Variants in GDPD4 observed in about 807,000 individuals in gnomAD.
The protein encoded by GDPD4 is glycerophosphodiester phosphodiesterase domain containing 4, also known as glycerophosphodiester phosphodiesterase 6.
GDPD4 carries 60 observed loss-of-function variants against 67.8 expected under a neutral mutation model. The ratio of observed to expected loss-of-function variants is 0.88; its 90% CI spans 0.72 to 1.10. The LOEUF is 1.10. Among genes scored for constraint, GDPD4 ranks in the 50% least tolerant of loss-of-function variants. The probability of loss-of-function intolerance (pLI) is 0.00; values close to 1 mark genes in which losing one functional copy is unlikely to be tolerated. For missense variants in GDPD4, 623 were observed against 613.9 expected (o/e 1.01, Z -0.16); for synonymous variants, 212 against 210.9 (o/e 1.00, Z -0.04).
At chr11:77,222,621 C>CCTTTGT (rs1369246785) in intron 16 of GDPD4, among the ~76,000 whole-genome samples, 1 of 152,140 alleles carries the variant, frequency 6.6e-6, no homozygotes, top group Non-Finnish European at 1.5e-5. Context: ...GATGGGCTTC[C>CCTTTGT]CTTTGTGGGT....
intron 10 of GDPD4, 145 bp from the exon 11 acceptor site, chr11:77,258,687 A>G: frequency 1.5e-6 from 1 of 672,622 alleles, no homozygotes; most frequent in East Asian, 2.6e-5. Context: ...AGGGCTACAT[A>G]TCAGTCATTT....
intron 1 of GDPD4, among the ~76,000 whole-genome samples, chr11:77,299,128 C>T (rs1236769573): frequency 6.6e-6 from 1 of 152,130 alleles, no homozygotes; most frequent in South Asian, 2.1e-4. Flanking sequence ...CATCCTGGAC[C>T]CTCTTTATGA....
chr11:77,263,917 C>T (rs955108209), intron 10 of GDPD4, among the ~76,000 whole-genome samples: 1 of 152,142 alleles, frequency 6.6e-6, no homozygotes, highest in Non-Finnish European at 1.5e-5. Context: ...GCAATAGGCA[C>T]AAACAAGCTT....
chr11:77,218,674 A>G (rs1958171706), intron 16 of GDPD4, among the ~76,000 whole-genome samples: 1 of 152,160 alleles, frequency 6.6e-6, no homozygotes, highest in Non-Finnish European at 1.5e-5. Flanking sequence ...TTTGCTCAGA[A>G]TGACGGTTTC....
intron 4 of GDPD4, among the ~76,000 whole-genome samples, chr11:77,277,653 G>A (rs575967277): frequency 6.6e-6 from 1 of 151,620 alleles, no homozygotes; most frequent in South Asian, 2.1e-4. Flanking sequence ...TTCTTTATTA[G>A]TCTTGCTAGC....
At chr11:77,291,018 G>T (rs1254888318) in intron 1 of GDPD4, among the ~76,000 whole-genome samples, 1 of 152,140 alleles carries the variant, frequency 6.6e-6, no homozygotes, top group Non-Finnish European at 1.5e-5. Flanking sequence ...TCCACCACTT[G>T]GTAGTTATCC....
At position 77,285,086 on chromosome 11, in the gene GDPD4, A is replaced by G; in HGVS notation, c.52T>C (p.Trp18Arg). ...GAAACTACAAAAAGTGAAACTCACC[A>G]GTCAAAGTTAAAGTATTCACTGGAT... is the stretch of plus-strand genomic sequence containing the variant. ...ETSSEYFNFD[W>R]VTFLGTGYWF... is the part of the protein sequence containing the mutation. The change falls in exon 3 of 17, where the codon TGG becomes CGG. Residue 18 changes from tryptophan (W) to arginine (R), a missense_variant and splice_region_variant. By Grantham distance (101) the Trp-to-Arg change is moderately radical. Coordinates refer to ENST00000315938, the MANE Select transcript of GDPD4 (RefSeq NM_182833.3). 1 of 1,608,412 alleles carries G rather than the reference A, an allele frequency of 6.2e-7. No individual in the cohort carries two copies. The highest frequency in any genetic ancestry group is 1.3e-5 in the African/African-American group (1 of 74,898).
intron 10 of GDPD4, 38 bp from the exon 11 acceptor site, chr11:77,258,580 G>A (rs1358240713): frequency 1.9e-6 from 3 of 1,604,492 alleles, no homozygotes; most frequent in Non-Finnish European, 2.6e-6. Flanking sequence ...GGGGTAGATA[G>A]GCTGAATTTA....
intron 3 of GDPD4, among the ~76,000 whole-genome samples, chr11:77,283,496 G>C (rs1959850462): frequency 6.6e-6 from 1 of 151,576 alleles, no homozygotes; most frequent in African/African-American, 2.4e-5. Flanking sequence ...TCTCAGAGCT[G>C]GTATTTTAAA....
At chr11:77,224,645 G>A (rs538601834) in intron 16 of GDPD4, among the ~76,000 whole-genome samples, 2 of 152,304 alleles carry the variant, frequency 1.3e-5, no homozygotes, top group East Asian at 1.9e-4. Context: ...CTAACAAGCA[G>A]TGAGCCTGGA....
At chr11:77,251,844 C>G (rs1958904776) in intron 11 of GDPD4, among the ~76,000 whole-genome samples, 1 of 152,112 alleles carries the variant, frequency 6.6e-6, no homozygotes, top group Non-Finnish European at 1.5e-5. Context: ...AATTTGTTTG[C>G]TTAATAGTGT....
intron 8 of GDPD4, among the ~76,000 whole-genome samples, 175 bp from the exon 9 acceptor site, chr11:77,269,244 G>T (rs1959194274): frequency 6.6e-6 from 1 of 152,128 alleles, no homozygotes; most frequent in Non-Finnish European, 1.5e-5. Flanking sequence ...CAGGGATTTG[G>T]ATATAAAAGT....
At chr11:77,258,603 G>T in intron 10 of GDPD4, 61 bp from the exon 11 acceptor site, 1 of 1,518,092 alleles carries the variant, frequency 6.6e-7, no homozygotes, top group Non-Finnish European at 9.1e-7. Flanking sequence ...TACCTTGGTA[G>T]ACAGGCTCCC....
At chr11:77,280,796 G>A (rs777505098) in intron 3 of GDPD4, among the ~76,000 whole-genome samples, 3 of 152,084 alleles carry the variant, frequency 2.0e-5, no homozygotes, top group Non-Finnish European at 4.4e-5. Flanking sequence ...CTTCCCATCC[G>A]GGTAAGTAAC....
chr11:77,227,304 G>C (rs368564258), intron 16 of GDPD4, among the ~76,000 whole-genome samples: 4 of 152,294 alleles, frequency 2.6e-5, no homozygotes, highest in African/African-American at 9.6e-5. Flanking sequence ...CTTGACTCTG[G>C]TTTAGCAATT....
rs764790482 is a variant in GDPD4 at position 77,217,199 on chromosome 11, G to A, written c.*78C>T. ...TTCCTTTCCACTCTTGGGTAGAGCC[G>A]GGTAGAGGGCTGCTAGAGTCCAAGG... On this transcript the variant is annotated 3_prime_UTR_variant, in exon 17 of 17. Transcript: ENST00000315938. The A allele has an allele frequency of 1.3e-5, 14 of 1,073,728 alleles. No homozygotes were observed. The highest frequency in any genetic ancestry group is 2.0e-4 in the Middle Eastern group (1 of 5,032). The allele number at this position is 1,073,728 out of a possible 1,614,324, so 66.5% of individuals were successfully genotyped here. A position where few individuals can be genotyped will look rare whatever the true frequency, so the allele number is the denominator to read the frequency against.
At chr11:77,221,872 T>C (rs1271024837) in intron 16 of GDPD4, among the ~76,000 whole-genome samples, 35 of 150,898 alleles carry the variant, frequency 2.3e-4, no homozygotes, top group Non-Finnish European at 4.0e-4. Context: ...AGTCTAAGTC[T>C]CTTTGTAGGT....
intron 5 of GDPD4, among the ~76,000 whole-genome samples, chr11:77,275,629 T>C (rs1959425449): frequency 6.6e-6 from 1 of 152,150 alleles, no homozygotes; most frequent in South Asian, 2.1e-4. Context: ...ACTGTGCTCG[T>C]TTCTCCATCT....
intron 1 of GDPD4, among the ~76,000 whole-genome samples, chr11:77,298,277 C>G (rs969661581): frequency 6.6e-6 from 1 of 152,124 alleles, no homozygotes; most frequent in African/African-American, 2.4e-5. Context: ...TTTGGGAGGC[C>G]AAGGCGGGCA....
Sources: gnomAD v4.1 joint callset for allele counts (sites outside exome capture counted in the v4.1 genomes callset) on GRCh38, gnomAD v4.1.1 for gene constraint, MANE v1.5 for transcripts, NCBI Gene and HGNC (gene_info 2026-07-23, HGNC 2026-07-21) for gene names.